The following MYO1E variants were observed in gnomAD, a reference collection of about 807,000 sequenced individuals.
MYO1E encodes the protein myosin IE, also known as unconventional myosin-Ie.
A neutral mutation model predicts 151.1 loss-of-function variants in MYO1E; 68 were observed. That is an observed-to-expected ratio of 0.45 (90% CI 0.37 to 0.55). The LOEUF is 0.55. Among genes scored for constraint, MYO1E ranks in the 20% least tolerant of loss-of-function variants. MYO1E has a pLI of 0.00. For synonymous variants in MYO1E, 601 were observed against 501.7 expected, an observed-to-expected ratio of 1.20 and a Z score of -2.64; for missense variants, 1,363 against 1,389.3, an observed-to-expected ratio of 0.98 and a Z score of 0.30.
intron 4 of MYO1E, among the ~76,000 whole-genome samples, chr15:59,248,061 C>A (rs1262533628): frequency 2.4e-5 from 3 of 125,188 alleles, no homozygotes; most frequent in Non-Finnish European, 4.7e-5. Context: ...CCAGGAAGCA[C>A]AGGTTGTGGT....
At position 59,214,811 on chromosome 15, in the gene MYO1E, G is replaced by A. The variant is rs116859957; in HGVS notation, c.1108-91C>T. 3,067 of 954,502 alleles carry A rather than the reference G, an allele frequency of 3.2e-3. 12 individuals are homozygous for A. Among genetic ancestry groups the A allele is most frequent in the Non-Finnish European group, 3.9e-3 (2,294 of 580,996 alleles). 59.1% of individuals were successfully genotyped at this position (954,502 alleles called of 1,614,324 possible). A position where few individuals can be genotyped will look rare whatever the true frequency, so the allele number is the denominator to read the frequency against. Reference sequence around the variant, plus strand: ...GGGAAAGGGAAGCTGGATTCTACACGGCAAACACTACTGCTTGCAGGAAAC... The same window carrying A: ...GGGAAAGGGAAGCTGGATTCTACACAGCAAACACTACTGCTTGCAGGAAAC... On this transcript the variant is annotated intron_variant, in intron 10 of 27. Transcript: ENST00000288235.
chr15:59,285,818 A>C lies in MYO1E; in HGVS notation c.4-13369T>G, dbSNP rs553282040. 2.9e-3 allele frequency among the ~76,000 whole-genome samples: 435 copies of C among 152,366 alleles called. 4 individuals are homozygous for C. The highest frequency in any genetic ancestry group is 9.9e-3 in the African/African-American group (411 of 41,592). On this transcript the variant is annotated intron_variant, in intron 1 of 27. Transcript: ENST00000288235. ...ATGTCCATTAAGATTTTTATTAATC[A>C]TACAGGTCGGCACAAAAGTAATTGC...
intron 4 of MYO1E, among the ~76,000 whole-genome samples, chr15:59,253,582 A>G (rs1319787038): frequency 6.6e-6 from 1 of 151,244 alleles, no homozygotes; most frequent in Non-Finnish European, 1.5e-5. Context: ...CCTGGGTTCA[A>G]GCGATTTCCC....
chr15:59,257,601 G>C (rs2080201059), intron 3 of MYO1E, among the ~76,000 whole-genome samples: 1 of 152,152 alleles, frequency 6.6e-6, no homozygotes, highest in Non-Finnish European at 1.5e-5. Context: ...GGGCCTGGCT[G>C]AGAAGTTGCT....
At position 59,206,858 on chromosome 15, in the gene MYO1E, C is replaced by G. The variant is rs1163410223; in HGVS notation, c.1531-1373G>C. ...CACCTGCCGTAGAGTGCTGAAGGTC[C>G]TGCCAACGGCTCTCTTGGCGTCTCA... On this transcript the variant is annotated intron_variant, in intron 14 of 27. Coordinates refer to ENST00000288235, the MANE Select transcript of MYO1E (RefSeq NM_004998.4). The G allele has an allele frequency of 7.0e-6, 10 of 1,423,340 alleles. No homozygotes were observed. The African/African-American group carries it at 1.4e-4, about 20-fold the overall frequency. 88.2% of individuals were successfully genotyped at this position (1,423,340 alleles called of 1,614,324 possible).
intron 17 of MYO1E, among the ~76,000 whole-genome samples, chr15:59,189,788 G>A (rs1010577346): frequency 6.6e-6 from 1 of 152,230 alleles, no homozygotes. Flanking sequence ...TGTTGGCCAG[G>A]CTGGTCTCGA....
intron 1 of MYO1E, among the ~76,000 whole-genome samples, chr15:59,343,822 A>G (rs1295314643): frequency 6.6e-6 from 1 of 152,074 alleles, no homozygotes; most frequent in Non-Finnish European, 1.5e-5. Flanking sequence ...CAGTACGTCA[A>G]TTGCATTCAG....
chr15:59,209,047 TC>T, intron 13 of MYO1E, 199 bp from the exon 14 acceptor site: 1 of 656,710 alleles, frequency 1.5e-6, no homozygotes, highest in Non-Finnish European at 2.6e-6. Context: ...GGGAGGAAAC[TC>T]CACTTTCCAA....
intron 14 of MYO1E, chr15:59,207,134 A>C: frequency 6.2e-7 from 1 of 1,614,222 alleles, no homozygotes; most frequent in Non-Finnish European, 8.5e-7. Context: ...ACTTCCGAGA[A>C]GCCCGTTCAT....
At chr15:59,186,297 T>C (rs1160994231) in intron 18 of MYO1E, among the ~76,000 whole-genome samples, 2 of 151,956 alleles carry the variant, frequency 1.3e-5, no homozygotes, top group Non-Finnish European at 1.5e-5. Context: ...GCTGTCCTAA[T>C]CTCATAGCAG....
intron 23 of MYO1E, among the ~76,000 whole-genome samples, 187 bp downstream of exon 23, chr15:59,162,970 G>A (rs1596347433): frequency 6.6e-6 from 1 of 152,208 alleles, no homozygotes; most frequent in African/African-American, 2.4e-5. Context: ...AAATGCAAAA[G>A]TAACCTTTTC....
chr15:59,264,815 G>C (rs1055082681), intron 2 of MYO1E: 2 of 152,246 alleles, frequency 1.3e-5, no homozygotes, highest in Non-Finnish European at 2.9e-5. Flanking sequence ...GAGCTCAGGA[G>C]TTCGAAACCA....
chr15:59,216,424 G>C (rs907763395), intron 10 of MYO1E, among the ~76,000 whole-genome samples: 1 of 151,742 alleles, frequency 6.6e-6, no homozygotes, highest in South Asian at 2.1e-4. Flanking sequence ...AACATAGTTA[G>C]TTCTATATAA....
intron 2 of MYO1E, among the ~76,000 whole-genome samples, chr15:59,270,377 C>T (rs1313494657): frequency 1.3e-5 from 2 of 151,644 alleles, no homozygotes; most frequent in Non-Finnish European, 2.9e-5. Context: ...CATGGTGAAA[C>T]CCTACCTCTA....
At chr15:59,281,388 G>T (rs1267676448) in intron 1 of MYO1E, among the ~76,000 whole-genome samples, 1 of 150,902 alleles carries the variant, frequency 6.6e-6, no homozygotes, top group Non-Finnish European at 1.5e-5. Flanking sequence ...TGATTCTCCT[G>T]CCTCAGTCTC....
At chr15:59,177,411 T>C (rs1435303145) in intron 19 of MYO1E, among the ~76,000 whole-genome samples, 2 of 152,278 alleles carry the variant, frequency 1.3e-5, no homozygotes, top group East Asian at 3.9e-4. Flanking sequence ...AGAAGAAAAC[T>C]AATGGCAAGA....
intron 1 of MYO1E, among the ~76,000 whole-genome samples, chr15:59,299,624 G>C (rs2080470608): frequency 6.6e-6 from 1 of 152,206 alleles, no homozygotes; most frequent in Non-Finnish European, 1.5e-5. Context: ...AATCCTGAGT[G>C]AGCTATGAAG....
At chr15:59,164,803 G>T (rs1270992548) in intron 22 of MYO1E, among the ~76,000 whole-genome samples, 2 of 152,224 alleles carry the variant, frequency 1.3e-5, no homozygotes, top group Non-Finnish European at 2.9e-5. Flanking sequence ...TAGTGACCCA[G>T]AGGTGATGGA....
chr15:59,211,918 G>C (rs1052606514), intron 12 of MYO1E, among the ~76,000 whole-genome samples: 2 of 151,860 alleles, frequency 1.3e-5, no homozygotes, highest in Non-Finnish European at 2.9e-5. Flanking sequence ...TTCCATTCTA[G>C]TTTGCTTTCC....
Sources: allele counts gnomAD v4.1 joint callset (sites outside exome capture counted in the v4.1 genomes callset), GRCh38; gene constraint gnomAD v4.1.1; transcripts MANE v1.5; gene names NCBI Gene and HGNC (gene_info 2026-07-23, HGNC 2026-07-21).